Variants in HSPG2 observed in about 807,000 individuals in gnomAD.
The protein encoded by HSPG2 is basement membrane-specific heparan sulfate proteoglycan core protein.
In HSPG2, 278 loss-of-function variants were observed where a neutral mutation model predicts 526.6. That is an observed-to-expected ratio of 0.53 (90% CI 0.48 to 0.58). The LOEUF (loss-of-function observed/expected upper bound fraction) is 0.58, where lower values mean the gene tolerates loss of function less well. HSPG2 is among the 20% of genes least tolerant of loss of function. The probability of loss-of-function intolerance (pLI) is 0.00; values close to 1 mark genes in which losing one functional copy is unlikely to be tolerated. For missense variants in HSPG2, 5,354 were observed against 6,099.5 expected (o/e 0.88, Z 4.07); for synonymous variants, 2,465 against 2,555.4 (o/e 0.96, Z 1.07).
chr1:21,865,098 CG>C lies in HSPG2; in HGVS notation c.4396-26del. The stretch of plus-strand genomic sequence containing the variant: ...CCTGGGTTGGGGGTGGCAACGTGGG[CG>C]GGGGCAGTGGGCTTTGTGGGCTGCT... On this transcript the variant is annotated intron_variant, in intron 35 of 96. Transcript: ENST00000374695. The surrounding 1 kb of genome is among the most constrained non-coding windows in gnomAD (Gnocchi z 5.4). 3.2e-6 allele frequency: 5 copies of C among 1,550,996 alleles called. No individual in the cohort carries two copies. The highest frequency in any genetic ancestry group is 3.5e-6 in the Non-Finnish European group (4 of 1,146,346).
At position 21,848,946 on chromosome 1, in the gene HSPG2, G is replaced by A. The variant is rs62642518; in HGVS notation, c.7532C>T (p.Thr2511Ile). 4,213 of 1,613,960 alleles carry A rather than the reference G, an allele frequency of 2.6e-3. 101 individuals are homozygous for A. The African/African-American group carries it at 0.047, about 18-fold the overall frequency. ...YVCRVVGSSG[T>I]QEASVLVTIQ... ...GGTGACAAGGACTGAGGCTTCCTGG[G>A]TACCTGAGCTGCCGACCACACGGCA... Residue 2511 changes from threonine to isoleucine, a missense_variant, in exon 58 of 97, where the codon ACC becomes ATC. Coordinates refer to ENST00000374695, the MANE Select transcript of HSPG2 (RefSeq NM_005529.7). The surrounding 1 kb of genome is among the most constrained non-coding windows in gnomAD (Gnocchi z 4.9).
In HSPG2 at chr1:21,854,843, C is replaced by T. The variant is rs762127263; in HGVS notation, c.6133+5G>A. The T allele has an allele frequency of 1.6e-5, 26 of 1,613,642 alleles. No homozygotes were observed. In the African/African-American group the frequency reaches 2.0e-4, roughly 12 times the overall value. Reference sequence around the variant, plus strand: ...CCCACCCCTCCATTCCCAGAGAGTCCGTACCTGAAAGGACAACCACTTGGA... The same window carrying T: ...CCCACCCCTCCATTCCCAGAGAGTCTGTACCTGAAAGGACAACCACTTGGA... On this transcript the variant is annotated splice_donor_5th_base_variant and intron_variant, in intron 48 of 96. Coordinates refer to ENST00000374695, the MANE Select transcript of HSPG2 (RefSeq NM_005529.7).
chr1:21,890,382 T>G lies in HSPG2; in HGVS notation c.413+45A>C. ...CCATCCTCATCAGCCCCCTCCAGGTTACCCGCTCAAGTCCCCCAGCAGCCC... is the reference window on the plus strand; with the variant it reads ...CCATCCTCATCAGCCCCCTCCAGGTGACCCGCTCAAGTCCCCCAGCAGCCC... On this transcript the variant is annotated intron_variant, in intron 5 of 96. Coordinates refer to ENST00000374695, the MANE Select transcript of HSPG2 (RefSeq NM_005529.7). This position sits in a 1 kb window ranked among gnomAD's most constrained non-coding sequence, Gnocchi z 4.1. The G allele has an allele frequency of 6.3e-7, 1 of 1,584,650 alleles. No individual in the cohort carries two copies.
rs1638675902 is a variant in HSPG2 at position 21,848,981 on chromosome 1, C to T, written c.7497G>A (p.Gly2499=). 6.2e-7 allele frequency: 1 copy of T among 1,614,036 alleles called. No homozygotes were observed. Among genetic ancestry groups the T allele is most frequent in the Non-Finnish European group, 8.5e-7 (1 of 1,180,006 alleles). ...TGCCGACCACACGGCACACGTACTC[C>T]CCTGAATCAGCTGGGGTCACCTGGA... The part of the protein sequence containing the change: ...RLLQVTPADS[G]EYVCRVVGSS... Residue 2499 remains glycine, a synonymous_variant, in exon 58 of 97, where the codon GGG becomes GGA. Coordinates refer to ENST00000374695, the MANE Select transcript of HSPG2 (RefSeq NM_005529.7). The surrounding 1 kb of genome is among the most constrained non-coding windows in gnomAD (Gnocchi z 4.9).
chr1:21,874,095 G>T, intron 28 of HSPG2, 84 bp from the exon 29 acceptor site: 2 of 1,248,474 alleles, frequency 1.6e-6, no homozygotes, highest in Non-Finnish European at 2.3e-6. Context: ...GGGGAGAGGG[G>T]AGGGGAAGAA....
In HSPG2 at chr1:21,833,367, A is replaced by T. The variant is rs1380506497; in HGVS notation, c.10996T>A (p.Phe3666Ile). 2 of 1,614,034 alleles carry T rather than the reference A, an allele frequency of 1.2e-6. No individual in the cohort carries two copies. The highest frequency in any genetic ancestry group is 3.3e-5 in the Admixed American group (2 of 59,994). The stretch of plus-strand genomic sequence containing the variant: ...AGGAAGGAGTAGGGGGTCTGCGTGA[A>T]GTAGGGCACCACCCGCTCTGCCAGC... ...LQVPERVVPY[F>I]TQTPYSFLPL... Residue 3666 changes from phenylalanine to isoleucine, a missense_variant, in exon 80 of 97, where the codon TTC becomes ATC. Transcript: ENST00000374695.
chr1:21,905,172 C>T (rs1469921280), intron 1 of HSPG2, among the ~76,000 whole-genome samples: 2 of 70,548 alleles, frequency 2.8e-5, no homozygotes, highest in Non-Finnish European at 6.4e-5. Context: ...ACCACCCACC[C>T]ACACACACAC....
chr1:21,852,062 C>A, intron 53 of HSPG2, 26 bp downstream of exon 53: 1 of 1,612,290 alleles, frequency 6.2e-7, no homozygotes, highest in Non-Finnish European at 8.5e-7. Flanking sequence ...TCCATGGCCC[C>A]GTCCCACATT....
chr1:21,844,037 T>C, intron 65 of HSPG2, 111 bp downstream of exon 65: 1 of 1,430,934 alleles, frequency 7.0e-7, no homozygotes, highest in Non-Finnish European at 9.7e-7. Flanking sequence ...GACCTCCTGC[T>C]GCCATTTCCC....
chr1:21,854,456 C>A, intron 49 of HSPG2, 113 bp from the exon 50 acceptor site: 1 of 1,471,838 alleles, frequency 6.8e-7, no homozygotes, highest in South Asian at 1.3e-5. Context: ...CGAGCCATCC[C>A]ATGCTAGAAA....
chr1:21,860,012 G>A lies in HSPG2; in HGVS notation c.5015-10C>T. 1 of 1,609,612 alleles carries A rather than the reference G, an allele frequency of 6.2e-7. No individual in the cohort carries two copies. The highest frequency in any genetic ancestry group is 8.5e-7 in the Non-Finnish European group (1 of 1,178,610). On this transcript the variant is annotated splice_polypyrimidine_tract_variant and intron_variant, in intron 40 of 96. Coordinates refer to ENST00000374695, the MANE Select transcript of HSPG2 (RefSeq NM_005529.7). ...AGTGGGGCTTGGTTTGCTGGGGGTG[G>A]GGGCCGGGACAGGAAGGGCCTTTCA...
chr1:21,868,564 G>A (rs963019575), intron 33 of HSPG2, among the ~76,000 whole-genome samples: 5 of 152,208 alleles, frequency 3.3e-5, no homozygotes, highest in African/African-American at 1.2e-4. Context: ...ATGACTGAGT[G>A]AAGTACCAAA....
At chr1:21,827,064 G>A (rs1202586422) in intron 91 of HSPG2, among the ~76,000 whole-genome samples, 2 of 151,890 alleles carry the variant, frequency 1.3e-5, no homozygotes, top group African/African-American at 2.4e-5. Context: ...AAAAATTAGC[G>A]GGGTGTGGTG....
In HSPG2 at chr1:21,828,794, C is replaced by T; in HGVS notation, c.12237+41G>A. On this transcript the variant is annotated intron_variant, in intron 88 of 96. Coordinates refer to ENST00000374695, the MANE Select transcript of HSPG2 (RefSeq NM_005529.7). The surrounding 1 kb of genome is among the most constrained non-coding windows in gnomAD (Gnocchi z 6.0). ...GAGCCGAGGGGGACACAAGGCTTGG[C>T]ACCCCTCCCCTCCCGCTTGTCCCGA... 2 of 1,545,018 alleles carry T rather than the reference C, an allele frequency of 1.3e-6. No homozygotes were observed. The highest frequency in any genetic ancestry group is 1.7e-6 in the Non-Finnish European group (2 of 1,144,944).
In HSPG2 at chr1:21,851,330, G is replaced by GT. The variant is rs1638878573; in HGVS notation, c.7158+215dup. ...TGAAACTATAGCACAGAGAGGTTAAGTAACTTGTCCGAGGTCACAAGCTAA... is the reference window on the plus strand; with the variant it reads ...TGAAACTATAGCACAGAGAGGTTAAGTTAACTTGTCCGAGGTCACAAGCTAA... On this transcript the variant is annotated intron_variant, in intron 55 of 96. Coordinates refer to ENST00000374695, the MANE Select transcript of HSPG2 (RefSeq NM_005529.7). 4 of 638,216 alleles carry GT rather than the reference G, an allele frequency of 6.3e-6. No homozygotes were observed. The South Asian group carries it at 7.6e-5, about 12-fold the overall frequency. 39.5% of individuals were successfully genotyped at this position (638,216 alleles called of 1,614,324 possible). A position where few individuals can be genotyped will look rare whatever the true frequency, so the allele number is the denominator to read the frequency against.
At chr1:21,924,812 A>C (rs1381983072) in intron 1 of HSPG2, among the ~76,000 whole-genome samples, 2 of 152,138 alleles carry the variant, frequency 1.3e-5, no homozygotes, top group Admixed American at 1.3e-4. Flanking sequence ...GTCCAGGGAC[A>C]ATGGGGACAA....
chr1:21,881,378 G>A lies in HSPG2; in HGVS notation c.1779C>T (p.Asp593=), dbSNP rs763068940. Residue 593 remains aspartate, a synonymous_variant, in exon 14 of 97, where the codon GAC becomes GAT. Coordinates refer to ENST00000374695, the MANE Select transcript of HSPG2 (RefSeq NM_005529.7). The part of the protein sequence containing the change: ...VDLSRRFLVH[D]SFWALPEQFL... ...ACTGTTCAGGCAGAGCCCAGAAGGA[G>A]TCGTGGACGAGGAAGCGGCGGGACA... is the stretch of plus-strand genomic sequence containing the variant. 1.3e-5 allele frequency: 21 copies of A among 1,614,108 alleles called. No individual in the cohort carries two copies. The highest frequency in any genetic ancestry group is 1.5e-5 in the Non-Finnish European group (18 of 1,180,056).
At chr1:21,873,519 T>C in intron 29 of HSPG2, 95 bp from the exon 30 acceptor site, 2 of 1,186,458 alleles carry the variant, frequency 1.7e-6, no homozygotes, top group South Asian at 1.2e-5. Context: ...AATGGCCTCA[T>C]GCACTGGAAG....
chr1:21,857,604 T>C (rs1639443788), intron 42 of HSPG2, among the ~76,000 whole-genome samples: 1 of 151,924 alleles, frequency 6.6e-6, no homozygotes, highest in Admixed American at 6.6e-5. Flanking sequence ...TTGGGGAACA[T>C]CACACCATGG....
Sources: allele counts gnomAD v4.1 joint callset (sites outside exome capture counted in the v4.1 genomes callset), GRCh38; gene constraint gnomAD v4.1.1; non-coding constraint Gnocchi (gnomAD v3.1); transcripts MANE v1.5; gene names NCBI Gene and HGNC (gene_info 2026-07-23, HGNC 2026-07-21).